Variants in CCDC180 observed in about 807,000 individuals in gnomAD.
CCDC180 encodes the protein coiled-coil domain-containing protein 180.
A neutral mutation model predicts 209.2 loss-of-function variants in CCDC180; 154 were observed. The ratio of observed to expected loss-of-function variants is 0.74; its 90% CI spans 0.65 to 0.84. The LOEUF (loss-of-function observed/expected upper bound fraction) is 0.84. Ranked by LOEUF, CCDC180 falls within the 40% of genes least tolerant of loss-of-function variation. CCDC180 has a pLI of 0.00. For synonymous variants in CCDC180, 778 were observed against 749.1 expected (o/e 1.04, Z -0.63); for missense variants, 1,874 against 1,997.3 (o/e 0.94, Z 1.18).
At position 97,328,158 on chromosome 9, in the gene CCDC180, G is replaced by T. The variant is rs890771903; in HGVS notation, c.1788+12G>T. The T allele has an allele frequency of 6.2e-7, 1 of 1,611,508 alleles. No homozygotes were observed. Among genetic ancestry groups the T allele is most frequent in the East Asian group, 2.2e-5 (1 of 44,728 alleles). ...AAATCTTTGAACAGGTATGGAGAGG[G>T]TGATGATACACCCAGCCACTCATGA... On this transcript the variant is annotated intron_variant, in intron 16 of 36. Transcript: ENST00000529487.
intron 28 of CCDC180, 157 bp from the exon 29 acceptor site, chr9:97,363,894 G>T: frequency 1.5e-6 from 1 of 660,360 alleles, no homozygotes; most frequent in East Asian, 2.7e-5. Flanking sequence ...CTGTTGAGAA[G>T]GGAAACGCCC....
chr9:97,313,161 AG>A, intron 4 of CCDC180, 74 bp from the exon 5 acceptor site: 1 of 918,370 alleles, frequency 1.1e-6, no homozygotes. Context: ...CTCAGTGTGC[AG>A]GGGCTGTCTG....
intron 19 of CCDC180, among the ~76,000 whole-genome samples, chr9:97,345,227 G>T (rs2118790074): frequency 6.6e-6 from 1 of 152,334 alleles, no homozygotes; most frequent in Non-Finnish European, 1.5e-5. Flanking sequence ...GAGTGGAACT[G>T]TTGACTCACA....
chr9:97,350,010 C>T lies in CCDC180; in HGVS notation c.2856-399C>T, dbSNP rs141353477. ...ATTTGATGTGCTCTGATCCAGCACACCCAGAATGTGTCCTGCAGACACTGG... is the reference window on the plus strand; with the variant it reads ...ATTTGATGTGCTCTGATCCAGCACATCCAGAATGTGTCCTGCAGACACTGG... On this transcript the variant is annotated intron_variant, in intron 21 of 36. Transcript: ENST00000529487. Among the ~76,000 whole-genome samples the T allele has an allele frequency of 1.3e-3, 200 of 152,246 alleles. 1 individual carries two copies. The highest frequency in any genetic ancestry group is 3.9e-3 in the African/African-American group (162 of 41,538).
chr9:97,323,953 C>A, intron 13 of CCDC180, 50 bp downstream of exon 13: 1 of 1,541,186 alleles, frequency 6.5e-7, no homozygotes, highest in Middle Eastern at 2.1e-4. Flanking sequence ...GGTTGGGGGT[C>A]CCCGGGGTTG....
chr9:97,327,973 G>C (rs761616460), intron 15 of CCDC180, 47 bp from the exon 16 acceptor site: 1 of 1,588,144 alleles, frequency 6.3e-7, no homozygotes. Context: ...GGGGTCAGGG[G>C]TGTGGTTCCT....
chr9:97,376,335 C>A (rs899616944), intron 36 of CCDC180: 1 of 160,770 alleles, frequency 6.2e-6, no homozygotes, highest in Non-Finnish European at 1.4e-5. Context: ...AGCCCTCCCC[C>A]AGCTTCCCCT....
Position 97,362,337 on chromosome 9 carries a change from C to G in CCDC180, c.3798C>G (p.Ser1266=). 6.2e-7 allele frequency: 1 copy of G among 1,614,104 alleles called. No homozygotes were observed. The highest frequency in any genetic ancestry group is 1.1e-5 in the South Asian group (1 of 91,078). Residue 1266 remains serine, a synonymous_variant, in exon 28 of 37, where the codon TCC becomes TCG. Transcript: ENST00000529487. ...GAVCSPPVLC[S]CPGPSSPKGF... Reference sequence around the variant, plus strand: ...TGTGCTCACCTCCTGTCCTCTGCTCCTGTCCTGGGCCCTCGTCACCCAAAG... The same window carrying G: ...TGTGCTCACCTCCTGTCCTCTGCTCGTGTCCTGGGCCCTCGTCACCCAAAG...
chr9:97,366,508 G>A lies in CCDC180; in HGVS notation c.4048-51G>A. 6.3e-7 allele frequency: 1 copy of A among 1,589,922 alleles called. No individual in the cohort carries two copies. Among genetic ancestry groups the A allele is most frequent in the South Asian group, 1.1e-5 (1 of 87,602 alleles). Reference sequence around the variant, plus strand: ...CAGGCTGGTGGATCCCAGGAGCAAGGGCCAGAGTCCCATGGAGTCCTCACC... The same window carrying A: ...CAGGCTGGTGGATCCCAGGAGCAAGAGCCAGAGTCCCATGGAGTCCTCACC... On this transcript the variant is annotated intron_variant, in intron 30 of 36. Coordinates refer to ENST00000529487, the MANE Select transcript of CCDC180 (RefSeq NM_020893.6). This position sits in a 1 kb window ranked among gnomAD's most constrained non-coding sequence, Gnocchi z 4.3.
At chr9:97,347,257 G>A in intron 19 of CCDC180, 57 bp from the exon 20 acceptor site, 2 of 1,502,940 alleles carry the variant, frequency 1.3e-6, no homozygotes, top group Non-Finnish European at 8.9e-7. Context: ...CATATGGAAA[G>A]ACCTCTCATG....
At chr9:97,330,089 A>AAT in intron 16 of CCDC180, 65 bp from the exon 17 acceptor site, 50 of 945,226 alleles carry the variant, frequency 5.3e-5, no homozygotes, top group Non-Finnish European at 7.3e-5. Flanking sequence ...AAAAAAAAAA[A>AAT]GGTGGGGGGC....
chr9:97,365,269 A>C (rs1456867256), intron 29 of CCDC180: 1 of 166,314 alleles, frequency 6.0e-6, no homozygotes, highest in African/African-American at 2.4e-5. Context: ...TGTCAGCCTG[A>C]TGGCCTCCTG....
intron 11 of CCDC180, among the ~76,000 whole-genome samples, chr9:97,321,030 T>C (rs1317296649): frequency 6.6e-6 from 1 of 152,184 alleles, no homozygotes; most frequent in Non-Finnish European, 1.5e-5. Context: ...CTGGCAATGC[T>C]GGGCAACGGT....
chr9:97,357,449 T>G (rs1325921857), intron 24 of CCDC180, among the ~76,000 whole-genome samples, 178 bp from the exon 25 acceptor site: 5 of 152,154 alleles, frequency 3.3e-5, no homozygotes, highest in African/African-American at 1.2e-4. Flanking sequence ...CCTTACTTAC[T>G]TGAGAGGGGA....
Position 97,355,017 on chromosome 9 carries a change from G to C in CCDC180, c.3264+9G>C. On this transcript the variant is annotated intron_variant, in intron 24 of 36. Transcript: ENST00000529487. The stretch of plus-strand genomic sequence containing the variant: ...TGAAAATCAAGTGCCAGGTAGGATA[G>C]ATTCATTCTTCATCAAGGATCTTTA... 1 of 1,558,594 alleles carries C rather than the reference G, an allele frequency of 6.4e-7. No homozygotes were observed. Among genetic ancestry groups the C allele is most frequent in the Non-Finnish European group, 8.9e-7 (1 of 1,129,700 alleles).
In CCDC180 at chr9:97,370,645, A is replaced by G. The variant is rs367849182; in HGVS notation, c.4355A>G (p.Lys1452Arg). ...TTCTGGATTGTTTGATTAAAGGACA[A>G]AAATGCCCAGAAGCTCCATCTAAAT... ...QQKRLEKRKD[K>R]NAQKLHLNLG... Residue 1452 changes from lysine (K) to arginine (R), a missense_variant, in exon 33 of 37, where the codon AAA (lysine) becomes AGA (arginine). By Grantham distance (26) the Lys-to-Arg change is conservative (BLOSUM62 2). Coordinates refer to ENST00000529487, the MANE Select transcript of CCDC180 (RefSeq NM_020893.6). The G allele has an allele frequency of 1.7e-5, 27 of 1,613,620 alleles. No homozygotes were observed. The African/African-American group carries it at 2.9e-4, about 18-fold the overall frequency.
upstream of CCDC180, chr9:97,307,430 C>T (rs1310898478): frequency 3.4e-6 from 2 of 581,790 alleles, no homozygotes; most frequent in Admixed American, 2.3e-5. Flanking sequence ...TCCAATCTAC[C>T]GGGCTCAGGG....
chr9:97,355,009 G>GTAGGA lies in CCDC180; in HGVS notation c.3264+5_3264+9dup. ...TCTGCAAGTGAAAATCAAGTGCCAG[G>GTAGGA]TAGGATAGATTCATTCTTCATCAAG... On this transcript the variant is annotated splice_donor_variant, in intron 24 of 36. Coordinates refer to ENST00000529487, the MANE Select transcript of CCDC180 (RefSeq NM_020893.6). LOFTEE classifies it high-confidence loss of function. 6.3e-7 allele frequency: 1 copy of GTAGGA among 1,586,260 alleles called. No homozygotes were observed. Among genetic ancestry groups the GTAGGA allele is most frequent in the South Asian group, 1.1e-5 (1 of 90,482 alleles).
At chr9:97,333,801 C>A (rs1205604523) in intron 18 of CCDC180, among the ~76,000 whole-genome samples, 2 of 150,678 alleles carry the variant, frequency 1.3e-5, no homozygotes, top group Non-Finnish European at 3.0e-5. Flanking sequence ...CAGAGTAATG[C>A]TTTTCATTTT....
Sources: allele counts gnomAD v4.1 joint callset (sites outside exome capture counted in the v4.1 genomes callset), GRCh38; gene constraint gnomAD v4.1.1; non-coding constraint Gnocchi (gnomAD v3.1); transcripts MANE v1.5; gene names NCBI Gene and HGNC (gene_info 2026-07-23, HGNC 2026-07-21).